PSMB3: variants seen among roughly 807,000 people sequenced by gnomAD.
PSMB3 encodes proteasome 20S subunit beta 3, also known as proteasome subunit beta type-3.
In PSMB3, 5 loss-of-function variants were observed where a neutral mutation model predicts 23.3. That is an observed-to-expected ratio of 0.21 (90% CI 0.11 to 0.45). The LOEUF is 0.45. Among genes scored for constraint, PSMB3 ranks in the 20% least tolerant of loss-of-function variants. The pLI is 0.99. For missense variants in PSMB3, 192 were observed against 277.9 expected (o/e 0.69, Z 2.20); for synonymous variants, 85 against 99.8 (o/e 0.85, Z 0.88).
At chr17:38,755,662 ATAT>A (rs1567643311) in intron 2 of PSMB3, among the ~76,000 whole-genome samples, 128 of 74,068 alleles carry the variant, frequency 1.7e-3, no homozygotes, top group East Asian at 3.9e-3. Context: ...AAAAAAAAAT[ATAT>A]ATATATATAT....
At chr17:38,759,570 A>C (rs1483281513) in intron 3 of PSMB3, among the ~76,000 whole-genome samples, 1 of 147,458 alleles carries the variant, frequency 6.8e-6, no homozygotes, top group Non-Finnish European at 1.5e-5. Context: ...TCTGAGATGG[A>C]GTCTCGCTCT....
intron 3 of PSMB3, among the ~76,000 whole-genome samples, chr17:38,759,454 G>C (rs1002325383): frequency 4.6e-5 from 7 of 152,074 alleles, no homozygotes; most frequent in Non-Finnish European, 1.0e-4. Flanking sequence ...CCATCATAAA[G>C]TTGAAAAATT....
At chr17:38,756,013 C>T (rs1908183758) in intron 3 of PSMB3, 23 bp downstream of exon 3, 8 of 1,559,080 alleles carry the variant, frequency 5.1e-6, no homozygotes, top group Admixed American at 3.3e-5. Flanking sequence ...GTAGCTAGCA[C>T]TGAGGGAATG....
At chr17:38,758,842 T>C (rs1453009926) in intron 3 of PSMB3, among the ~76,000 whole-genome samples, 1 of 152,074 alleles carries the variant, frequency 6.6e-6, no homozygotes, top group African/African-American at 2.4e-5. Context: ...GTCAGGAGAT[T>C]GAGACCATCC....
intron 4 of PSMB3, among the ~76,000 whole-genome samples, chr17:38,761,088 G>A (rs1908414311): frequency 6.6e-6 from 1 of 151,718 alleles, no homozygotes; most frequent in Non-Finnish European, 1.5e-5. Flanking sequence ...GGTGGCTCAC[G>A]CCTGTAATCC....
At position 38,752,933 on chromosome 17, in the gene PSMB3, G is replaced by C; in HGVS notation, c.3+104G>C. The stretch of plus-strand genomic sequence containing the variant: ...AAGGGCCTAGGGTCGATGGAAGGAA[G>C]CGGTTTCAGTTCGAGGGGAGCGGGC... On this transcript the variant is annotated intron_variant, in intron 1 of 5. Coordinates refer to ENST00000619426, the MANE Select transcript of PSMB3 (RefSeq NM_002795.4). The surrounding 1 kb of genome is among the most constrained non-coding windows in gnomAD (Gnocchi z 5.5). 3 of 1,525,766 alleles carry C rather than the reference G, an allele frequency of 2.0e-6. No homozygotes were observed. The highest frequency in any genetic ancestry group is 1.4e-5 in the African/African-American group (1 of 72,818). The allele number at this position is 1,525,766 out of a possible 1,614,324, so 94.5% of individuals were successfully genotyped here.
At chr17:38,756,941 C>T (rs1377195000) in intron 3 of PSMB3, among the ~76,000 whole-genome samples, 3 of 148,848 alleles carry the variant, frequency 2.0e-5, no homozygotes, top group Admixed American at 6.7e-5. Context: ...AATCACGGCT[C>T]ACTGCAATCT....
In PSMB3 at chr17:38,755,902, C is replaced by A. The variant is rs759940355; in HGVS notation, c.208C>A (p.Arg70=). Residue 70 remains arginine, a synonymous_variant, in exon 3 of 6, where the codon CGG becomes AGG. Transcript: ENST00000619426. ...CCTCAGTGCCCAGCGCCTCAAGTTC[C>A]GGCTGAACCTGTATGAGTTGAAGGA... ...VQTVAQRLKF[R]LNLYELKEGR... is the part of the protein sequence containing the mutation. The A allele has an allele frequency of 6.8e-6, 11 of 1,613,840 alleles. No homozygotes were observed. Among genetic ancestry groups the A allele is most frequent in the Non-Finnish European group, 9.3e-6 (11 of 1,179,978 alleles).
Position 38,752,769 on chromosome 17 carries a change from C to T in PSMB3, c.-58C>T, listed in dbSNP as rs1250962805. The T allele has an allele frequency of 6.2e-7, 1 of 1,610,514 alleles. No homozygotes were observed. Among genetic ancestry groups the T allele is most frequent in the Non-Finnish European group, 8.5e-7 (1 of 1,176,858 alleles). Reference sequence around the variant, plus strand: ...AGTGAGAGCGGTTGCGCAGTGAAGGCTAGACCCGGTTTACTGGAATTGCTC... The same window carrying T: ...AGTGAGAGCGGTTGCGCAGTGAAGGTTAGACCCGGTTTACTGGAATTGCTC... On this transcript the variant is annotated 5_prime_UTR_variant, in exon 1 of 6. Coordinates refer to ENST00000619426, the MANE Select transcript of PSMB3 (RefSeq NM_002795.4). The surrounding 1 kb of genome is among the most constrained non-coding windows in gnomAD (Gnocchi z 5.5).
At chr17:38,757,863 C>A (rs1443166381) in intron 3 of PSMB3, among the ~76,000 whole-genome samples, 1 of 152,008 alleles carries the variant, frequency 6.6e-6, no homozygotes, top group Non-Finnish European at 1.5e-5. Flanking sequence ...ATCATGTTGG[C>A]CAGGCTGGTC....
intron 5 of PSMB3, among the ~76,000 whole-genome samples, chr17:38,763,905 C>G (rs1449791514): frequency 1.3e-5 from 2 of 152,198 alleles, no homozygotes; most frequent in Non-Finnish European, 2.9e-5. Flanking sequence ...GCCCAGGTCT[C>G]TGTTCCTATC....
At chr17:38,755,060 C>T (rs975635775) in intron 2 of PSMB3, among the ~76,000 whole-genome samples, 5 of 151,634 alleles carry the variant, frequency 3.3e-5, no homozygotes, top group African/African-American at 7.3e-5. Context: ...CTGCAACCTC[C>T]GCCTCCAAGG....
chr17:38,763,797 C>T (rs118080693), intron 5 of PSMB3, among the ~76,000 whole-genome samples: 7,482 of 152,250 alleles, frequency 0.049, 274 homozygotes, highest in South Asian at 0.18. Context: ...CCACCGCGCC[C>T]GGCCAAGCTC....
At chr17:38,754,244 C>T (rs1395143663) in intron 2 of PSMB3, among the ~76,000 whole-genome samples, 15 of 151,970 alleles carry the variant, frequency 9.9e-5, no homozygotes, top group African/African-American at 3.1e-4. Context: ...CTGAGGTGGG[C>T]GGATATCTTG....
chr17:38,755,857 ACT>A (rs1908174154), intron 2 of PSMB3, 24 bp from the exon 3 acceptor site: 178 of 1,314,812 alleles, frequency 1.4e-4, no homozygotes, highest in Non-Finnish European at 1.8e-4. Flanking sequence ...ATAATGACTT[ACT>A]AACTCACTTT....
chr17:38,761,593 G>A (rs961955216), intron 4 of PSMB3, among the ~76,000 whole-genome samples: 5 of 152,154 alleles, frequency 3.3e-5, no homozygotes, highest in Admixed American at 3.3e-4. Flanking sequence ...TTGGGAAGAG[G>A]AGGAAAGAAA....
chr17:38,762,307 G>A, intron 4 of PSMB3, 104 bp from the exon 5 acceptor site: 2 of 946,992 alleles, frequency 2.1e-6, no homozygotes, highest in Non-Finnish European at 3.3e-6. Flanking sequence ...GGCATGTCTT[G>A]GGGCCAGAGC....
chr17:38,757,364 C>T (rs901152919), intron 3 of PSMB3, among the ~76,000 whole-genome samples: 2 of 150,036 alleles, frequency 1.3e-5, no homozygotes, highest in African/African-American at 4.9e-5. Flanking sequence ...ACTAAAAATA[C>T]AAAAATTAGC....
At chr17:38,763,881 C>T (rs1908562456) in intron 5 of PSMB3, among the ~76,000 whole-genome samples, 1 of 152,184 alleles carries the variant, frequency 6.6e-6, no homozygotes, top group African/African-American at 2.4e-5. Flanking sequence ...GGTGGTTCCA[C>T]CTGTGGAAAG....
Sources: gnomAD v4.1 joint callset for allele counts (sites outside exome capture counted in the v4.1 genomes callset) on GRCh38, gnomAD v4.1.1 for gene constraint, Gnocchi (gnomAD v3.1) non-coding constraint, MANE v1.5 for transcripts, NCBI Gene and HGNC (gene_info 2026-07-23, HGNC 2026-07-21) for gene names.